TRIO: variants seen among roughly 807,000 people sequenced by gnomAD.
TRIO encodes the protein trio Rho guanine nucleotide exchange factor.
A neutral mutation model predicts 351.9 loss-of-function variants in TRIO; 58 were observed. The ratio of observed to expected loss-of-function variants is 0.16; its 90% CI spans 0.13 to 0.21. The LOEUF is 0.21. Among genes scored for constraint, TRIO ranks in the 10% least tolerant of loss-of-function variants. The pLI is 1.00. For missense variants in TRIO, 3,201 were observed against 4,027.8 expected, an observed-to-expected ratio of 0.79 and a Z score of 5.56; for synonymous variants, 1,758 against 1,595.7, an observed-to-expected ratio of 1.10 and a Z score of -2.42.
At chr5:14,444,741 C>T (rs1232393402) in intron 34 of TRIO, among the ~76,000 whole-genome samples, 1 of 152,180 alleles carries the variant, frequency 6.6e-6, no homozygotes, top group Non-Finnish European at 1.5e-5. Context: ...AAGAGTGTTA[C>T]ACATTGAATT....
intron 1 of TRIO, among the ~76,000 whole-genome samples, chr5:14,182,226 C>T (rs1452328915): frequency 6.6e-6 from 1 of 151,158 alleles, no homozygotes; most frequent in Non-Finnish European, 1.5e-5. Context: ...TGGGAAGGAC[C>T]CCGGCTCTGC....
At chr5:14,149,758 GT>G (rs57303058) in intron 1 of TRIO, among the ~76,000 whole-genome samples, 23,730 of 152,184 alleles carry the variant, frequency 0.16, 2,517 homozygotes, top group East Asian at 0.44. Context: ...TCTAGAGCTG[GT>G]GTTTTGGAGG....
intron 1 of TRIO, among the ~76,000 whole-genome samples, chr5:14,228,219 G>A (rs1261452234): frequency 6.6e-6 from 1 of 152,226 alleles, no homozygotes; most frequent in Non-Finnish European, 1.5e-5. Flanking sequence ...TTTTAATGCA[G>A]TGTTCCACAC....
intron 11 of TRIO, among the ~76,000 whole-genome samples, chr5:14,342,899 C>T (rs1742067047): frequency 6.6e-6 from 1 of 152,164 alleles, no homozygotes; most frequent in South Asian, 2.1e-4. Flanking sequence ...AGTCCATATG[C>T]TCCTCAACTT....
At chr5:14,359,636 C>T (rs1743956029) in intron 13 of TRIO, 105 bp downstream of exon 13, 9 of 1,328,542 alleles carry the variant, frequency 6.8e-6, no homozygotes, top group Non-Finnish European at 2.1e-6. Context: ...TGTGTCCTCA[C>T]CCACACCCCA....
At chr5:14,173,050 T>A (rs1306373763) in intron 1 of TRIO, among the ~76,000 whole-genome samples, 1 of 152,272 alleles carries the variant, frequency 6.6e-6, no homozygotes, top group African/African-American at 2.4e-5. Flanking sequence ...TTTCCAAAAA[T>A]GCTTGTTTCA....
intron 31 of TRIO, among the ~76,000 whole-genome samples, chr5:14,403,461 GGGTGCAGGTTGT>G: frequency 6.1e-5 from 6 of 98,558 alleles, no homozygotes; most frequent in African/African-American, 1.3e-4. Context: ...GTTGTGGTGA[GGGTGCAGGTTGT>G]GGTGAGGGTG....
At chr5:14,393,373 C>G (rs942155445) in intron 27 of TRIO, among the ~76,000 whole-genome samples, 1 of 152,268 alleles carries the variant, frequency 6.6e-6, no homozygotes, top group Non-Finnish European at 1.5e-5. Context: ...GCACATGTAT[C>G]CCAGAACTTA....
At chr5:14,364,882 G>A (rs1281512734) in intron 15 of TRIO, 66 bp downstream of exon 15, 27 of 1,516,772 alleles carry the variant, frequency 1.8e-5, no homozygotes, top group South Asian at 2.6e-5. Flanking sequence ...TCGACTTCCC[G>A]GAAATTCTGA....
In TRIO at chr5:14,497,158, T is replaced by C. The variant is rs1335170024; in HGVS notation, c.8019+141T>C. 15 of 1,272,368 alleles carry C rather than the reference T, an allele frequency of 1.2e-5. No homozygotes were observed. The highest frequency in any genetic ancestry group is 1.6e-5 in the Non-Finnish European group (15 of 938,582). 78.8% of individuals were successfully genotyped at this position (1,272,368 alleles called of 1,614,324 possible). On this transcript the variant is annotated intron_variant, in intron 50 of 56. Transcript: ENST00000344204. The surrounding 1 kb of genome is among the most constrained non-coding windows in gnomAD (Gnocchi z 4.4). ...CCAGCCCCGTGCCCTGCGTGTCCTGTAGGGTCTTGTTAGGGGCACTATGCT... is the reference window on the plus strand; with the variant it reads ...CCAGCCCCGTGCCCTGCGTGTCCTGCAGGGTCTTGTTAGGGGCACTATGCT...
intron 21 of TRIO, among the ~76,000 whole-genome samples, chr5:14,385,895 A>G (rs112879224): frequency 1.3e-4 from 20 of 152,310 alleles, no homozygotes; most frequent in African/African-American, 4.8e-4. Context: ...AAAACACTCA[A>G]TAGCTTTCTT....
Position 14,286,698 on chromosome 5 carries a change from T to G in TRIO, c.348-173T>G, listed in dbSNP as rs1056905385. Among the ~76,000 whole-genome samples, 4 of 152,186 alleles carry G rather than the reference T, an allele frequency of 2.6e-5. No homozygotes were observed. On this transcript the variant is annotated intron_variant, in intron 3 of 56. Coordinates refer to ENST00000344204, the MANE Select transcript of TRIO (RefSeq NM_007118.4). This position sits in a 1 kb window ranked among gnomAD's most constrained non-coding sequence, Gnocchi z 4.4. ...AGCGTGTATAGCCTGGGTCTCTTCC[T>G]TTATGGTACAAGGGAGGGACGAGAA... is the stretch of plus-strand genomic sequence containing the variant.
At chr5:14,191,518 T>C (rs370552844) in intron 1 of TRIO, among the ~76,000 whole-genome samples, 3 of 132,522 alleles carry the variant, frequency 2.3e-5, no homozygotes, top group East Asian at 2.3e-4. Flanking sequence ...GGTGACAGAG[T>C]AAGACCCTGT....
At chr5:14,360,795 G>A (rs769681140) in intron 13 of TRIO, among the ~76,000 whole-genome samples, 15 of 152,198 alleles carry the variant, frequency 9.9e-5, no homozygotes, top group Admixed American at 3.9e-4. Flanking sequence ...CTAAGTCTCC[G>A]GCACTGTTTT....
chr5:14,509,495 T>A lies in TRIO; in HGVS notation c.*1073T>A, dbSNP rs1229638760. 2 of 446,152 alleles carry A rather than the reference T, an allele frequency of 4.5e-6. No homozygotes were observed. Among genetic ancestry groups the A allele is most frequent in the African/African-American group, 2.0e-5 (1 of 49,438 alleles). 27.6% of individuals were successfully genotyped at this position (446,152 alleles called of 1,614,324 possible). On this transcript the variant is annotated 3_prime_UTR_variant, in exon 57 of 57. Transcript: ENST00000344204. ...GAGGACTGTAAAAGTGATTTCATAC[T>A]CTGAATATAAAACTGGATAATAGGG...
intron 35 of TRIO, 30 bp from the exon 36 acceptor site, chr5:14,462,725 T>C (rs1313231205): frequency 3.7e-6 from 6 of 1,613,110 alleles, no homozygotes; most frequent in South Asian, 1.1e-5. Flanking sequence ...TGGCCTGGAA[T>C]ATAATGAGCA....
chr5:14,505,141 G>A (rs1757580321), intron 55 of TRIO, among the ~76,000 whole-genome samples: 1 of 152,266 alleles, frequency 6.6e-6, no homozygotes, highest in Non-Finnish European at 1.5e-5. Context: ...GGGCTCCTGT[G>A]TAAGATCAGA....
chr5:14,319,705 T>G lies in TRIO; in HGVS notation c.1731+2962T>G, dbSNP rs186328767. 9.8e-5 allele frequency among the ~76,000 whole-genome samples: 15 copies of G among 152,334 alleles called. No individual in the cohort carries two copies. The East Asian group carries it at 1.7e-3, about 18-fold the overall frequency. The stretch of plus-strand genomic sequence containing the variant: ...AACAATAGGCGAGGCATGGAATGAT[T>G]ACAGTTTTATGAAAGTAACCCCAGA... On this transcript the variant is annotated intron_variant, in intron 9 of 56. Transcript: ENST00000344204.
In TRIO at chr5:14,389,336, C is replaced by T. The variant is rs141623489; in HGVS notation, c.3996C>T (p.Gly1332=). The T allele has an allele frequency of 6.2e-6, 10 of 1,612,678 alleles. No homozygotes were observed. The East Asian group carries it at 2.0e-4, about 32-fold the overall frequency. ...GTGGCGTGGAAGAGATTCCACCTGG[C>T]ATTGTAAACAAAGAACTCATCATCT... ...MTSGVEEIPP[G]IVNKELIIFG... is the part of the protein sequence containing the mutation. The change falls in exon 25 of 57, where the codon GGC becomes GGT. Residue 1332 remains glycine, a synonymous_variant. Transcript: ENST00000344204.
Sources: gnomAD v4.1 joint callset for allele counts (sites outside exome capture counted in the v4.1 genomes callset) on GRCh38, gnomAD v4.1.1 for gene constraint, Gnocchi (gnomAD v3.1) non-coding constraint, MANE v1.5 for transcripts, NCBI Gene and HGNC (gene_info 2026-07-23, HGNC 2026-07-21) for gene names.